The following MACROD2 variants were observed in gnomAD, a reference collection of about 807,000 sequenced individuals.
The protein encoded by MACROD2 is mono-ADP ribosylhydrolase 2.
MACROD2 carries 36 observed loss-of-function variants against 70.4 expected under a neutral mutation model. The observed-to-expected ratio is 0.51, with a 90% CI of 0.39 to 0.68. The LOEUF (loss-of-function observed/expected upper bound fraction) is 0.68, where lower values mean the gene tolerates loss of function less well. Ranked by LOEUF, MACROD2 falls within the 30% of genes least tolerant of loss-of-function variation. The pLI, the probability that MACROD2 is intolerant of heterozygous loss-of-function variation, is 0.00. For missense variants in MACROD2, 496 were observed against 538.4 expected (o/e 0.92, Z 0.78); for synonymous variants, 172 against 178.8 (o/e 0.96, Z 0.30).
intron 6 of MACROD2, among the ~76,000 whole-genome samples, chr20:15,423,830 C>G (rs1315985069): frequency 6.6e-6 from 1 of 151,854 alleles, no homozygotes; most frequent in Non-Finnish European, 1.5e-5. Flanking sequence ...GTGTCTTACT[C>G]GGTTCGGGAT....
chr20:14,663,304 A>C (rs951699914), intron 4 of MACROD2, among the ~76,000 whole-genome samples: 1 of 151,754 alleles, frequency 6.6e-6, no homozygotes, highest in African/African-American at 2.4e-5. Context: ...TACATGGGGG[A>C]ACAACACACA....
At chr20:15,441,460 G>T (rs1338430661) in intron 7 of MACROD2, among the ~76,000 whole-genome samples, 1 of 152,122 alleles carries the variant, frequency 6.6e-6, no homozygotes, top group Non-Finnish European at 1.5e-5. Flanking sequence ...TTTCTGGAAT[G>T]CAGAGGCAGT....
At chr20:15,379,431 C>T (rs989702405) in intron 6 of MACROD2, among the ~76,000 whole-genome samples, 7 of 152,004 alleles carry the variant, frequency 4.6e-5, no homozygotes, top group Non-Finnish European at 8.8e-5. Flanking sequence ...ATAGTCTTGG[C>T]ATTACGTAGG....
intron 5 of MACROD2, among the ~76,000 whole-genome samples, chr20:14,690,685 A>G (rs759767482): frequency 1.3e-5 from 2 of 152,212 alleles, no homozygotes; most frequent in Non-Finnish European, 2.9e-5. Flanking sequence ...GAGCTGGGAA[A>G]GGAGTCTCTG....
At chr20:15,350,615 C>A (rs992089511) in intron 6 of MACROD2, among the ~76,000 whole-genome samples, 2 of 152,156 alleles carry the variant, frequency 1.3e-5, no homozygotes, top group African/African-American at 2.4e-5. Flanking sequence ...AATTTGTATT[C>A]ATCAAAATAC....
chr20:14,306,722 A>C (rs2082523901), intron 3 of MACROD2, among the ~76,000 whole-genome samples: 1 of 152,068 alleles, frequency 6.6e-6, no homozygotes, highest in East Asian at 1.9e-4. Context: ...AGGATCTTAA[A>C]AATAGAGAGG....
chr20:15,821,707 C>G (rs796447514), intron 8 of MACROD2, among the ~76,000 whole-genome samples: 7 of 152,250 alleles, frequency 4.6e-5, no homozygotes, highest in African/African-American at 1.7e-4. Context: ...AGTATAACAA[C>G]TATTTACATT....
intron 5 of MACROD2, among the ~76,000 whole-genome samples, chr20:15,117,559 C>T (rs1190849361): frequency 1.3e-5 from 2 of 152,070 alleles, no homozygotes; most frequent in African/African-American, 2.4e-5. Context: ...ATTGTTTCTT[C>T]GTGGAAAAAC....
At chr20:15,745,952 G>T (rs2051176629) in intron 8 of MACROD2, among the ~76,000 whole-genome samples, 1 of 152,002 alleles carries the variant, frequency 6.6e-6, no homozygotes, top group African/African-American at 2.4e-5. Flanking sequence ...TTAATATTTG[G>T]CAGAGCAAGT....
intron 3 of MACROD2, among the ~76,000 whole-genome samples, chr20:14,187,139 G>GA (rs71335951): frequency 0.035 from 3,924 of 112,930 alleles, 63 homozygotes; most frequent in African/African-American, 0.049. Flanking sequence ...TTTAAAAAAG[G>GA]AAAAAAAAAA....
rs138592255 is a variant in MACROD2 at position 15,155,234 on chromosome 20, T to C, written c.419-74706T>C. On this transcript the variant is annotated intron_variant, in intron 5 of 17. Coordinates refer to ENST00000684519, the MANE Select transcript of MACROD2 (RefSeq NM_001351661.2). ...TATAATTTGTCAGATGATTCTGATC[T>C]TGTGGGCACCCCTCTTTCCCTACAG... Among the ~76,000 whole-genome samples the C allele has an allele frequency of 2.7e-3, 404 of 151,476 alleles. 1 individual carries two copies. Among genetic ancestry groups the C allele is most frequent in the African/African-American group, 9.2e-3 (380 of 41,280 alleles).
chr20:14,228,273 T>C (rs1200144843), intron 3 of MACROD2, among the ~76,000 whole-genome samples: 1 of 152,030 alleles, frequency 6.6e-6, no homozygotes. Context: ...CTGTGTTCTA[T>C]ATATCTTTAT....
intron 8 of MACROD2, among the ~76,000 whole-genome samples, chr20:15,753,660 A>C (rs1450990819): frequency 6.6e-6 from 1 of 152,154 alleles, no homozygotes; most frequent in African/African-American, 2.4e-5. Context: ...TTAAATGGTA[A>C]TTCTGTTTCA....
intron 5 of MACROD2, among the ~76,000 whole-genome samples, chr20:15,152,495 A>AAGGGATCGGGGCACAGAGGTAAGAGGTTG (rs1351354651): frequency 2.1e-5 from 3 of 144,494 alleles, no homozygotes; most frequent in Admixed American, 6.9e-5. Context: ...ATAAGAGGTT[A>AAGGGATCGGGGCACAGAGGTAAGAGGTTG]GGGCATGGAA....
chr20:15,735,254 C>A (rs1432327321), intron 8 of MACROD2, among the ~76,000 whole-genome samples: 1 of 152,142 alleles, frequency 6.6e-6, no homozygotes, highest in Non-Finnish European at 1.5e-5. Context: ...AGCCACTGCA[C>A]CTGACCAGGA....
intron 6 of MACROD2, among the ~76,000 whole-genome samples, chr20:15,230,832 A>T (rs2076953540): frequency 6.6e-6 from 1 of 152,114 alleles, no homozygotes; most frequent in Non-Finnish European, 1.5e-5. Flanking sequence ...CAAACTATAG[A>T]AAAACACACT....
chr20:15,796,303 G>A (rs748957247), intron 8 of MACROD2, among the ~76,000 whole-genome samples: 9 of 152,340 alleles, frequency 5.9e-5, no homozygotes, highest in African/African-American at 2.2e-4. Flanking sequence ...ACGCAAGGCA[G>A]ATGGACACAT....
intron 8 of MACROD2, among the ~76,000 whole-genome samples, chr20:15,791,276 A>C (rs2063622325): frequency 6.6e-6 from 1 of 151,948 alleles, no homozygotes; most frequent in Non-Finnish European, 1.5e-5. Context: ...AATGGTCACA[A>C]ATACTCTTCT....
chr20:15,756,317 C>T (rs1267552663), intron 8 of MACROD2, among the ~76,000 whole-genome samples: 3 of 152,094 alleles, frequency 2.0e-5, no homozygotes, highest in African/African-American at 7.2e-5. Context: ...CTTTAAAAAA[C>T]ATTTTCTAGG....
Sources: gnomAD v4.1 joint callset for allele counts (sites outside exome capture counted in the v4.1 genomes callset) on GRCh38, gnomAD v4.1.1 for gene constraint, MANE v1.5 for transcripts, NCBI Gene and HGNC (gene_info 2026-07-23, HGNC 2026-07-21) for gene names.